Variants in UNC5D observed in about 807,000 individuals in gnomAD.
The protein encoded by UNC5D is unc-5 netrin receptor D.
In UNC5D, 39 loss-of-function variants were observed where a neutral mutation model predicts 105.4. That is an observed-to-expected ratio of 0.37 (90% confidence interval 0.29 to 0.48). UNC5D has a LOEUF of 0.48. Among genes scored for constraint, UNC5D ranks in the 20% least tolerant of loss-of-function variants. UNC5D has a pLI of 0.98. For missense variants in UNC5D, 991 were observed against 1,202.4 expected (o/e 0.82, Z 2.60); for synonymous variants, 452 against 450.4 (o/e 1.00, Z -0.04).
chr8:35,716,655 C>G (rs1479475918), intron 8 of UNC5D, among the ~76,000 whole-genome samples: 1 of 152,158 alleles, frequency 6.6e-6, no homozygotes, highest in Non-Finnish European at 1.5e-5. Flanking sequence ...GATATAGCTA[C>G]TATTGTCATT....
At chr8:35,669,799 G>A (rs543592259) in intron 4 of UNC5D, among the ~76,000 whole-genome samples, 75 of 152,044 alleles carry the variant, frequency 4.9e-4, no homozygotes, top group Non-Finnish European at 7.8e-4. Flanking sequence ...GAAATCATCC[G>A]TCCCTTATTT....
At chr8:35,266,064 C>A (rs867518252) in intron 1 of UNC5D, among the ~76,000 whole-genome samples, 53 of 151,814 alleles carry the variant, frequency 3.5e-4, no homozygotes, top group Admixed American at 1.5e-3. Context: ...TTTAACTTTT[C>A]AATAGTAAAA....
intron 4 of UNC5D, among the ~76,000 whole-genome samples, chr8:35,641,773 T>C (rs769139243): frequency 6.6e-6 from 1 of 152,138 alleles, no homozygotes; most frequent in Non-Finnish European, 1.5e-5. Flanking sequence ...GACATCTTAA[T>C]AGATTGACCT....
At chr8:35,432,305 T>A (rs1043188295) in intron 1 of UNC5D, among the ~76,000 whole-genome samples, 1 of 152,188 alleles carries the variant, frequency 6.6e-6, no homozygotes, top group African/African-American at 2.4e-5. Context: ...CTGAAATAGT[T>A]TTTTAATTCT....
intron 2 of UNC5D, among the ~76,000 whole-genome samples, chr8:35,558,199 C>T (rs528087293): frequency 6.6e-6 from 1 of 150,788 alleles, no homozygotes; most frequent in Non-Finnish European, 1.5e-5. Flanking sequence ...TGATGTTTTG[C>T]TTGTCGATGT....
intron 1 of UNC5D, among the ~76,000 whole-genome samples, chr8:35,471,420 G>A (rs1348469228): frequency 6.6e-6 from 1 of 152,072 alleles, no homozygotes; most frequent in Non-Finnish European, 1.5e-5. Context: ...CTTTAACAAA[G>A]CATTCAGTGA....
intron 1 of UNC5D, among the ~76,000 whole-genome samples, chr8:35,250,558 G>A (rs910017342): frequency 1.3e-5 from 2 of 152,008 alleles, no homozygotes; most frequent in East Asian, 1.9e-4. Flanking sequence ...GCAGTGGCAC[G>A]ATCTCGGCTC....
chr8:35,440,215 C>T (rs184534547), intron 1 of UNC5D, among the ~76,000 whole-genome samples: 4 of 151,988 alleles, frequency 2.6e-5, no homozygotes, highest in Admixed American at 2.6e-4. Flanking sequence ...TAAGCATGTC[C>T]ATCTGGGCTT....
At chr8:35,311,258 G>T (rs1281766659) in intron 1 of UNC5D, among the ~76,000 whole-genome samples, 1 of 152,176 alleles carries the variant, frequency 6.6e-6, no homozygotes, top group African/African-American at 2.4e-5. Context: ...TGAAAAGATT[G>T]TTTCAGAGAA....
intron 4 of UNC5D, among the ~76,000 whole-genome samples, chr8:35,660,815 T>A (rs777869752): frequency 1.2e-4 from 18 of 152,142 alleles, no homozygotes; most frequent in Admixed American, 7.9e-4. Context: ...TTCTAATTGC[T>A]CTTATTCCAT....
chr8:35,548,093 T>G (rs1815832725), intron 1 of UNC5D, among the ~76,000 whole-genome samples: 1 of 152,196 alleles, frequency 6.6e-6, no homozygotes, highest in Non-Finnish European at 1.5e-5. Context: ...GGTACCCACC[T>G]GGATTGAGGG....
intron 1 of UNC5D, among the ~76,000 whole-genome samples, chr8:35,368,141 A>C (rs1291457337): frequency 1.3e-5 from 2 of 152,182 alleles, no homozygotes; most frequent in African/African-American, 4.8e-5. Flanking sequence ...TACAACTATA[A>C]TGAGAGTACT....
chr8:35,432,967 A>G (rs1806749456), intron 1 of UNC5D, among the ~76,000 whole-genome samples: 1 of 152,200 alleles, frequency 6.6e-6, no homozygotes. Context: ...TTACTGATTA[A>G]CTGTGAAATT....
At chr8:35,268,032 G>T (rs904575997) in intron 1 of UNC5D, among the ~76,000 whole-genome samples, 1 of 152,106 alleles carries the variant, frequency 6.6e-6, no homozygotes, top group Non-Finnish European at 1.5e-5. Flanking sequence ...ATATTTAAAA[G>T]TTAGAGTTTG....
intron 10 of UNC5D, among the ~76,000 whole-genome samples, chr8:35,729,814 G>A (rs1490749568): frequency 6.6e-6 from 1 of 152,202 alleles, no homozygotes; most frequent in African/African-American, 2.4e-5. Context: ...ATAAGGCCAA[G>A]CTGTAACCAA....
intron 2 of UNC5D, among the ~76,000 whole-genome samples, chr8:35,557,094 C>T (rs141633178): frequency 9.9e-5 from 15 of 152,276 alleles, no homozygotes; most frequent in South Asian, 4.2e-4. Flanking sequence ...GAGTGTGATA[C>T]GGGAGTAAGT....
chr8:35,420,695 A>G (rs1302331037), intron 1 of UNC5D, among the ~76,000 whole-genome samples: 2 of 152,012 alleles, frequency 1.3e-5, no homozygotes, highest in African/African-American at 4.8e-5. Context: ...AGTGACTGGA[A>G]AAATCATACT....
chr8:35,241,611 T>C (rs886859569), intron 1 of UNC5D, among the ~76,000 whole-genome samples: 4 of 152,220 alleles, frequency 2.6e-5, no homozygotes, highest in African/African-American at 9.6e-5. Context: ...ATGAGGTCAG[T>C]ATTCTTCTTA....
chr8:35,577,985 G>A (rs1818204632), intron 3 of UNC5D, among the ~76,000 whole-genome samples: 1 of 152,022 alleles, frequency 6.6e-6, no homozygotes, highest in South Asian at 2.1e-4. Context: ...AACACTTTGG[G>A]AGGCTGGGGC....
Sources: allele counts gnomAD v4.1 joint callset (sites outside exome capture counted in the v4.1 genomes callset), GRCh38; gene constraint gnomAD v4.1.1; transcripts MANE v1.5; gene names NCBI Gene and HGNC (gene_info 2026-07-23, HGNC 2026-07-21).